Variants in ADGB observed in about 807,000 individuals in gnomAD.
ADGB encodes the protein calpain-7-like protein.
Under a neutral mutation model 210.5 loss-of-function variants are expected in ADGB, and 172 were observed. The ratio of observed to expected loss-of-function variants is 0.82; its 90% CI spans 0.72 to 0.93. The LOEUF (loss-of-function observed/expected upper bound fraction) is 0.93. Ranked by LOEUF, ADGB falls within the 40% of genes least tolerant of loss-of-function variation. ADGB has a pLI of 0.00. For synonymous variants in ADGB, 658 were observed against 662.7 expected, an observed-to-expected ratio of 0.99 and a Z score of 0.11; for missense variants, 2,025 against 1,964.8, an observed-to-expected ratio of 1.03 and a Z score of -0.58.
chr6:146,801,776 A>T (rs897336590), intron 34 of ADGB, 52 bp from the exon 35 acceptor site: 2 of 1,446,924 alleles, frequency 1.4e-6, no homozygotes, highest in Non-Finnish European at 1.9e-6. Flanking sequence ...AGTGAAGCTT[A>T]TTCCAGAGTT....
At chr6:146,725,079 G>A (rs1265132366) in intron 18 of ADGB, 1 of 152,134 alleles carries the variant, frequency 6.6e-6, no homozygotes, top group Non-Finnish European at 1.5e-5. Flanking sequence ...ATTGTGTCAA[G>A]CATCTAGTAC....
intron 26 of ADGB, among the ~76,000 whole-genome samples, chr6:146,748,831 T>C (rs1777279865): frequency 6.6e-6 from 1 of 152,138 alleles, no homozygotes; most frequent in African/African-American, 2.4e-5. Flanking sequence ...CCACCTGCCT[T>C]GGCCTCCCAA....
intron 35 of ADGB, among the ~76,000 whole-genome samples, chr6:146,806,425 CTT>C (rs1478005504): frequency 1.3e-5 from 2 of 152,170 alleles, no homozygotes; most frequent in African/African-American, 4.8e-5. Flanking sequence ...CTTGCTGTCT[CTT>C]TCTCTCTTTA....
chr6:146,764,049 G>A lies in ADGB; in HGVS notation c.3699G>A (p.Glu1233=), dbSNP rs1047372285. The A allele has an allele frequency of 5.2e-6, 8 of 1,551,160 alleles. No homozygotes were observed. The African/African-American group carries it at 1.1e-4, about 21-fold the overall frequency. The part of the protein sequence containing the change: ...IQDIGLPLVE[E]ETTSTPTRED... ...ACATTGGTCTACCCCTTGTGGAGGA[G>A]GAAACTACCAGTACACCCACTAGAG... Residue 1233 remains glutamate, a synonymous_variant, in exon 28 of 36, where the codon GAG becomes GAA. Coordinates refer to ENST00000397944, the MANE Select transcript of ADGB (RefSeq NM_024694.4).
intron 27 of ADGB, among the ~76,000 whole-genome samples, chr6:146,763,363 G>A (rs1194080413): frequency 3.9e-5 from 6 of 152,190 alleles, no homozygotes; most frequent in Middle Eastern, 3.4e-3. Flanking sequence ...CATGTTTGAT[G>A]AATTAATTAA....
At chr6:146,612,723 G>A (rs940574103) in intron 1 of ADGB, among the ~76,000 whole-genome samples, 18 of 152,102 alleles carry the variant, frequency 1.2e-4, no homozygotes, top group African/African-American at 4.1e-4. Context: ...CTGGTAGAAT[G>A]GTCCTGCTCT....
chr6:146,812,128 T>C, intron 35 of ADGB, among the ~76,000 whole-genome samples: 1 of 152,344 alleles, frequency 6.6e-6, no homozygotes, highest in East Asian at 1.9e-4. Context: ...TGTTTTCATT[T>C]TCTGTCTAAG....
At chr6:146,603,693 A>G (rs1374631660) in intron 1 of ADGB, among the ~76,000 whole-genome samples, 1 of 152,238 alleles carries the variant, frequency 6.6e-6, no homozygotes, top group African/African-American at 2.4e-5. Flanking sequence ...ATGAACATCT[A>G]AATTTTATAG....
chr6:146,802,641 G>A lies in ADGB; in HGVS notation c.4818+630G>A, dbSNP rs1024902942. 8 of 685,554 alleles carry A rather than the reference G, an allele frequency of 1.2e-5. No individual in the cohort carries two copies. The Admixed American group carries it at 2.0e-4, about 17-fold the overall frequency. 42.5% of individuals were successfully genotyped at this position (685,554 alleles called of 1,614,324 possible). On this transcript the variant is annotated intron_variant, in intron 35 of 35. Transcript: ENST00000397944. ...ACTTCAATGTGAAGCAGATTGTTGG[G>A]ATTTCATTAGTGGTTTCATTATGTG...
rs1778378122 is a variant in ADGB, at chr6:146,815,458, C to G, written c.*241C>G. 4.0e-6 allele frequency: 1 copy of G among 250,218 alleles called. No individual in the cohort carries two copies. The highest frequency in any genetic ancestry group is 7.7e-5 in the East Asian group (1 of 13,028). The allele number at this position is 250,218 out of a possible 1,614,324, so 15.5% of individuals were successfully genotyped here. On this transcript the variant is annotated 3_prime_UTR_variant, in exon 36 of 36. Transcript: ENST00000397944. ...TATTTAATAAAATATGTTTGACACTCTAAACTGCCTGCATTTTTAATTAGA... is the reference window on the plus strand; with the variant it reads ...TATTTAATAAAATATGTTTGACACTGTAAACTGCCTGCATTTTTAATTAGA...
At chr6:146,739,679 T>C (rs1160719537) in intron 23 of ADGB, among the ~76,000 whole-genome samples, 1 of 152,206 alleles carries the variant, frequency 6.6e-6, no homozygotes, top group African/African-American at 2.4e-5. Flanking sequence ...CCTCTGGCTC[T>C]GTCTAGACCT....
At chr6:146,699,656 A>G (rs1423754555) in intron 12 of ADGB, among the ~76,000 whole-genome samples, 1 of 151,078 alleles carries the variant, frequency 6.6e-6, no homozygotes, top group Non-Finnish European at 1.5e-5. Flanking sequence ...GATGGCACCT[A>G]AAATTCACCA....
Position 146,698,237 on chromosome 6 carries a change from A to G in ADGB, c.1578-2704A>G, listed in dbSNP as rs142873989. 1.9e-3 allele frequency among the ~76,000 whole-genome samples: 285 copies of G among 152,332 alleles called. 2 individuals carry two copies. The highest frequency in any genetic ancestry group is 6.6e-3 in the African/African-American group (276 of 41,578). ...ACATTCATTGTTTAAGAACATTTAA[A>G]CATGTATTTTAAGCTTCAATAAAAC... On this transcript the variant is annotated intron_variant, in intron 12 of 35. Transcript: ENST00000397944.
At chr6:146,807,141 T>TG (rs1438864638) in intron 35 of ADGB, among the ~76,000 whole-genome samples, 1 of 152,228 alleles carries the variant, frequency 6.6e-6, no homozygotes, top group Non-Finnish European at 1.5e-5. Flanking sequence ...AGAATACCTT[T>TG]GGTAAAAAAA....
chr6:146,675,497 A>G (rs1379497478), intron 8 of ADGB, among the ~76,000 whole-genome samples: 1 of 151,874 alleles, frequency 6.6e-6, no homozygotes, highest in Admixed American at 6.6e-5. Context: ...AAGCTAAGGT[A>G]TGAAACATGT....
rs186393223 is a variant in ADGB, at chr6:146,750,426, T to C, written c.3366-2104T>C. On this transcript the variant is annotated intron_variant, in intron 26 of 35. Coordinates refer to ENST00000397944, the MANE Select transcript of ADGB (RefSeq NM_024694.4). ...ATAAAAATTTAGTTGAGCATGGTGG[T>C]GCATACCTGTAGTCCCAGCTATATT... Among the ~76,000 whole-genome samples the C allele has an allele frequency of 5.8e-4, 88 of 152,034 alleles. No individual in the cohort carries two copies. In the East Asian group the frequency reaches 7.9e-3, roughly 14 times the overall value.
intron 1 of ADGB, among the ~76,000 whole-genome samples, chr6:146,615,050 A>G (rs964427927): frequency 4.7e-5 from 7 of 148,830 alleles, no homozygotes; most frequent in East Asian, 3.9e-4. Flanking sequence ...ACAGGCGCCC[A>G]CCACCACGCC....
chr6:146,719,594 C>T lies in ADGB; in HGVS notation c.1993-1809C>T, dbSNP rs58079516. ...CCTGCCGAGCTGGGGACACAGAGCC[C>T]GAGGCCTGTCCTCAGCACAATCCAC... is the stretch of plus-strand genomic sequence containing the variant. On this transcript the variant is annotated intron_variant, in intron 16 of 35. Transcript: ENST00000397944. 5.2e-3 allele frequency among the ~76,000 whole-genome samples: 788 copies of T among 152,268 alleles called. 9 individuals carry two copies. Among genetic ancestry groups the T allele is most frequent in the African/African-American group, 0.018 (732 of 41,554 alleles).
intron 33 of ADGB, among the ~76,000 whole-genome samples, chr6:146,790,432 G>T (rs1583640498): frequency 6.6e-6 from 1 of 152,042 alleles, no homozygotes; most frequent in African/African-American, 2.4e-5. Context: ...ATATAAATGA[G>T]ATCATGCCGC....
Sources: gnomAD v4.1 joint callset for allele counts (sites outside exome capture counted in the v4.1 genomes callset) on GRCh38, gnomAD v4.1.1 for gene constraint, MANE v1.5 for transcripts, NCBI Gene and HGNC (gene_info 2026-07-23, HGNC 2026-07-21) for gene names.